ZFHX4: variants seen among roughly 807,000 people sequenced by gnomAD.
ZFHX4 encodes the protein zinc finger homeobox 4.
Under a neutral mutation model 267.6 loss-of-function variants are expected in ZFHX4, and 56 were observed. That is an observed-to-expected ratio of 0.21 (90% CI 0.17 to 0.26). The LOEUF (loss-of-function observed/expected upper bound fraction) is 0.26, where lower values mean the gene tolerates loss of function less well. ZFHX4 is among the 10% of genes least tolerant of loss of function. ZFHX4 has a pLI of 1.00. For synonymous variants in ZFHX4, 1,778 were observed against 1,665.6 expected (o/e 1.07, Z -1.64); for missense variants, 4,332 against 4,420.0 (o/e 0.98, Z 0.56).
At chr8:76,837,516 A>G (rs956003359) in intron 5 of ZFHX4, among the ~76,000 whole-genome samples, 3 of 151,324 alleles carry the variant, frequency 2.0e-5, no homozygotes, top group African/African-American at 7.3e-5. Context: ...AACCAAAGCC[A>G]GACTACCAAG....
At chr8:76,839,377 A>G (rs1812177448) in intron 5 of ZFHX4, among the ~76,000 whole-genome samples, 1 of 152,114 alleles carries the variant, frequency 6.6e-6, no homozygotes. Context: ...AGACTACAGT[A>G]TTTTGCCTTC....
At chr8:76,707,191 T>A (rs1199336715) in intron 2 of ZFHX4, among the ~76,000 whole-genome samples, 9 of 152,228 alleles carry the variant, frequency 5.9e-5, no homozygotes, top group African/African-American at 2.2e-4. Flanking sequence ...CCAAATCTCA[T>A]CAAGCTTTAA....
chr8:76,812,773 C>T (rs1468142824), intron 4 of ZFHX4, among the ~76,000 whole-genome samples: 5 of 151,920 alleles, frequency 3.3e-5, no homozygotes, highest in East Asian at 1.9e-4. Flanking sequence ...AATGGATTTG[C>T]GGTACACAGT....
In ZFHX4 at chr8:76,853,974, C is replaced by T. The variant is rs748335211; in HGVS notation, c.7053C>T (p.Asp2351=). 2.2e-5 allele frequency: 35 copies of T among 1,613,690 alleles called. No individual in the cohort carries two copies. Among genetic ancestry groups the T allele is most frequent in the Non-Finnish European group, 2.9e-5 (34 of 1,179,864 alleles). The change falls in exon 10 of 11, where the codon GAC becomes GAT. Residue 2351 remains aspartate (D), a synonymous_variant. Transcript: ENST00000651372. The part of the protein sequence containing the change: ...DDAQDESQTE[D]SMDATDQVVY... ...CCCAAGATGAAAGCCAAACAGAAGA[C>T]TCCATGGATGCCACTGATCAAGTGG...
intron 4 of ZFHX4, among the ~76,000 whole-genome samples, chr8:76,788,605 CTT>C (rs1236634636): frequency 1.3e-5 from 2 of 152,140 alleles, no homozygotes; most frequent in African/African-American, 4.8e-5. Flanking sequence ...GTCAAATAGA[CTT>C]TGGACATTGA....
At chr8:76,778,815 G>A (rs1810473328) in intron 4 of ZFHX4, among the ~76,000 whole-genome samples, 1 of 152,136 alleles carries the variant, frequency 6.6e-6, no homozygotes, top group Non-Finnish European at 1.5e-5. Flanking sequence ...GCTAATAAGT[G>A]TAACAGGACT....
chr8:76,740,926 C>A (rs1050502520), intron 3 of ZFHX4, among the ~76,000 whole-genome samples: 4 of 152,012 alleles, frequency 2.6e-5, no homozygotes, highest in African/African-American at 9.7e-5. Flanking sequence ...AGATCAGGGG[C>A]TCTGATATAG....
chr8:76,710,440 A>G (rs577481668), intron 3 of ZFHX4, among the ~76,000 whole-genome samples: 11 of 152,342 alleles, frequency 7.2e-5, no homozygotes, highest in African/African-American at 2.6e-4. Flanking sequence ...AAAGTGGTTC[A>G]TAAGTAATAT....
intron 4 of ZFHX4, among the ~76,000 whole-genome samples, chr8:76,824,756 TAG>T (rs1811741050): frequency 6.6e-6 from 1 of 151,956 alleles, no homozygotes; most frequent in Non-Finnish European, 1.5e-5. Flanking sequence ...TCATGTTTTG[TAG>T]AGACAGGGTC....
intron 3 of ZFHX4, among the ~76,000 whole-genome samples, chr8:76,726,997 T>C (rs898284902): frequency 2.0e-5 from 3 of 152,186 alleles, no homozygotes; most frequent in Non-Finnish European, 4.4e-5. Flanking sequence ...ATGCTTCTGA[T>C]TGACAGGGAG....
At chr8:76,723,954 T>A (rs770287075) in intron 3 of ZFHX4, among the ~76,000 whole-genome samples, 3 of 144,768 alleles carry the variant, frequency 2.1e-5, no homozygotes, top group Non-Finnish European at 4.5e-5. Flanking sequence ...GGCTATCAGG[T>A]ATAGAAAACA....
At position 76,705,798 on chromosome 8, in the gene ZFHX4, A is replaced by G; in HGVS notation, c.1710A>G (p.Thr570=). 6.2e-7 allele frequency: 1 copy of G among 1,614,002 alleles called. No homozygotes were observed. Among genetic ancestry groups the G allele is most frequent in the Middle Eastern group, 1.6e-4 (1 of 6,062 alleles). ...ADASASKDSA[T]AAHPSEIARG... Reference sequence around the variant, plus strand: ...CAAGTGCCAGTAAAGACAGTGCCACAGCTGCTCATCCAAGTGAAATAGCCC... The same window carrying G: ...CAAGTGCCAGTAAAGACAGTGCCACGGCTGCTCATCCAAGTGAAATAGCCC... The change falls in exon 2 of 11, where the codon ACA becomes ACG. Residue 570 remains threonine, a synonymous_variant. Coordinates refer to ENST00000651372, the MANE Select transcript of ZFHX4 (RefSeq NM_024721.5).
intron 3 of ZFHX4, among the ~76,000 whole-genome samples, chr8:76,754,372 C>T (rs1014512978): frequency 7.9e-5 from 12 of 151,908 alleles, no homozygotes; most frequent in African/African-American, 2.7e-4. Flanking sequence ...ACCTGTAATC[C>T]CAGATACGCG....
At chr8:76,698,598 G>A (rs922708909) in intron 1 of ZFHX4, among the ~76,000 whole-genome samples, 2 of 151,666 alleles carry the variant, frequency 1.3e-5, no homozygotes, top group African/African-American at 2.4e-5. Flanking sequence ...AAGAATGAGA[G>A]GGAGAAGAAG....
intron 4 of ZFHX4, among the ~76,000 whole-genome samples, chr8:76,829,917 C>T (rs1302958147): frequency 6.6e-6 from 1 of 151,982 alleles, no homozygotes; most frequent in Non-Finnish European, 1.5e-5. Context: ...AGAATTCAGG[C>T]CTGAACGAGA....
chr8:76,856,196 T>A lies in ZFHX4; in HGVS notation c.9275T>A (p.Ile3092Asn). The change falls in exon 10 of 11, where the codon ATC becomes AAC. Residue 3092 changes from isoleucine (I) to asparagine (N), a missense_variant. Ile to Asn is a moderately radical substitution (Grantham distance 149, BLOSUM62 -3). This residue lies in a region of ZFHX4 where 1,648 missense variants were observed against 1,625.0 expected (regional missense o/e 1.01). Coordinates refer to ENST00000651372, the MANE Select transcript of ZFHX4 (RefSeq NM_024721.5). ...GMMDSSSLHGISLPTAYPGLP... is the reference protein window; with the variant it reads ...GMMDSSSLHGNSLPTAYPGLP... ...ATGGACAGCAGTTCTCTCCACGGCA[T>A]CAGCCTGCCAACAGCCTACCCCGGA... The A allele has an allele frequency of 6.2e-7, 1 of 1,613,970 alleles. No homozygotes were observed. Among genetic ancestry groups the A allele is most frequent in the Non-Finnish European group, 8.5e-7 (1 of 1,179,862 alleles).
In ZFHX4 at chr8:76,851,390, A is replaced by T. The variant is rs755784115; in HGVS notation, c.4469A>T (p.Glu1490Val). 1 of 1,613,808 alleles carries T rather than the reference A, an allele frequency of 6.2e-7. No individual in the cohort carries two copies. The highest frequency in any genetic ancestry group is 8.5e-7 in the Non-Finnish European group (1 of 1,179,844). ...DHGLEQEMER[E>V]YEVDHEGKAS... Reference sequence around the variant, plus strand: ...GGCCTAGAGCAGGAAATGGAGAGAGAGTATGAGGTGGACCACGAAGGGAAA... The same window carrying T: ...GGCCTAGAGCAGGAAATGGAGAGAGTGTATGAGGTGGACCACGAAGGGAAA... Residue 1490 changes from glutamate (E) to valine (V), a missense_variant, in exon 10 of 11, where the codon GAG becomes GTG. Glu to Val is a moderately radical substitution (Grantham distance 121, BLOSUM62 -2). This residue lies in a region of ZFHX4 where 1,371 missense variants were observed against 1,423.1 expected (regional missense o/e 0.96). Transcript: ENST00000651372.
chr8:76,748,209 CTG>C (rs961184233), intron 3 of ZFHX4, among the ~76,000 whole-genome samples: 1 of 151,962 alleles, frequency 6.6e-6, no homozygotes, highest in African/African-American at 2.4e-5. Context: ...CCCTCTCTGT[CTG>C]TGTGTCTCAT....
chr8:76,708,528 G>A (rs1026205781), intron 3 of ZFHX4, among the ~76,000 whole-genome samples: 1 of 152,086 alleles, frequency 6.6e-6, no homozygotes, highest in Non-Finnish European at 1.5e-5. Context: ...TGTGTGCTCA[G>A]TAGCACTGAG....
Sources: gnomAD v4.1 joint callset for allele counts (sites outside exome capture counted in the v4.1 genomes callset) on GRCh38, gnomAD v4.1.1 for gene constraint, gnomAD v4.1.1 regional missense constraint, MANE v1.5 for transcripts, NCBI Gene and HGNC (gene_info 2026-07-23, HGNC 2026-07-21) for gene names.